The following TCEA3 variants were observed in gnomAD, a reference collection of about 807,000 sequenced individuals.
TCEA3 encodes the protein transcription elongation factor A3.
A neutral mutation model predicts 44.0 loss-of-function variants in TCEA3; 36 were observed. The observed-to-expected ratio is 0.82, with a 90% CI of 0.63 to 1.08. TCEA3 has a LOEUF of 1.08. Ranked by LOEUF, TCEA3 falls within the 50% of genes least tolerant of loss-of-function variation. The pLI, the probability that TCEA3 is intolerant of heterozygous loss-of-function variation, is 0.00. For missense variants in TCEA3, 392 were observed against 441.2 expected, an observed-to-expected ratio of 0.89 and a Z score of 1.00; for synonymous variants, 162 against 159.7, an observed-to-expected ratio of 1.01 and a Z score of -0.11.
intron 7 of TCEA3, among the ~76,000 whole-genome samples, chr1:23,394,711 G>C (rs1029545534): frequency 2.0e-5 from 3 of 152,240 alleles, no homozygotes; most frequent in Admixed American, 6.5e-5. Flanking sequence ...GCTGGTCAGA[G>C]TTACTTCTCC....
In TCEA3 at chr1:23,387,363, G is replaced by C. The variant is rs1410692681; in HGVS notation, c.876C>G (p.Ile292Met). ...ELRNAMTQEA[I>M]REHQMAKTGG... ...CAGTCTTGGCCATCTGGTGCTCACG[G>C]ATGGCCTCCTGGGTCATGGCATTCC... is the stretch of plus-strand genomic sequence containing the variant. The change falls in exon 9 of 11, where the codon ATC (isoleucine) becomes ATG (methionine). Residue 292 changes from isoleucine to methionine, a missense_variant. By Grantham distance (10) the Ile-to-Met change is conservative. Coordinates refer to ENST00000450454, the MANE Select transcript of TCEA3 (RefSeq NM_003196.3). 6.2e-7 allele frequency: 1 copy of C among 1,612,942 alleles called. No individual in the cohort carries two copies. The highest frequency in any genetic ancestry group is 8.5e-7 in the Non-Finnish European group (1 of 1,179,596).
chr1:23,420,485 C>T (rs1215216391), intron 1 of TCEA3, among the ~76,000 whole-genome samples: 2 of 152,194 alleles, frequency 1.3e-5, no homozygotes, highest in Non-Finnish European at 2.9e-5. Flanking sequence ...CTCAAGTGAT[C>T]CTCCTGCCTC....
At chr1:23,392,480 C>T (rs1454669861) in intron 8 of TCEA3, among the ~76,000 whole-genome samples, 29 of 95,052 alleles carry the variant, frequency 3.1e-4, no homozygotes, top group South Asian at 4.0e-4. Flanking sequence ...ACACACCACA[C>T]ACTCCACACA....
At chr1:23,392,475 C>CTG (rs796674857) in intron 8 of TCEA3, among the ~76,000 whole-genome samples, 1 of 11,836 alleles carries the variant, frequency 8.4e-5, no homozygotes, top group African/African-American at 3.8e-4. Flanking sequence ...ATCATACACA[C>CTG]CACACACTCC....
intron 9 of TCEA3, 24 bp downstream of exon 9, chr1:23,387,249 G>A (rs757583649): frequency 1.7e-5 from 28 of 1,611,014 alleles, no homozygotes; most frequent in Middle Eastern, 1.8e-4. Context: ...CTGCACCTCC[G>A]GCCCGTCCCC....
intron 5 of TCEA3, among the ~76,000 whole-genome samples, chr1:23,401,757 A>AGG (rs1175949310): frequency 6.6e-6 from 1 of 152,066 alleles, no homozygotes. Flanking sequence ...CCTCCAACAC[A>AGG]GGGGTTCCCA....
chr1:23,405,887 C>T (rs376256426), intron 5 of TCEA3, among the ~76,000 whole-genome samples: 10 of 152,278 alleles, frequency 6.6e-5, no homozygotes, highest in East Asian at 1.9e-4. Context: ...GATAGGATGA[C>T]GCTTCATTAT....
intron 4 of TCEA3, among the ~76,000 whole-genome samples, chr1:23,412,398 TCA>T (rs1639748640): frequency 1.1e-5 from 1 of 89,938 alleles, no homozygotes; most frequent in Non-Finnish European, 2.1e-5. Flanking sequence ...AGACTCTGTC[TCA>T]AAAAAAAAAA....
At chr1:23,396,719 G>C (rs573465609) in intron 7 of TCEA3, among the ~76,000 whole-genome samples, 7 of 151,916 alleles carry the variant, frequency 4.6e-5, no homozygotes, top group African/African-American at 7.2e-5. Flanking sequence ...CAGAGGGCAG[G>C]GCGCTGGGTG....
chr1:23,406,411 A>C (rs781086636), intron 5 of TCEA3, among the ~76,000 whole-genome samples: 2 of 152,102 alleles, frequency 1.3e-5, no homozygotes, highest in Non-Finnish European at 2.9e-5. Context: ...CCCAAAACCC[A>C]ATGTGGCCCA....
chr1:23,385,552 C>T (rs2148542936), intron 9 of TCEA3, among the ~76,000 whole-genome samples: 1 of 152,352 alleles, frequency 6.6e-6, no homozygotes, highest in Admixed American at 6.5e-5. Flanking sequence ...GCAAGGCTGA[C>T]TGCATTTCTG....
At position 23,424,696 on chromosome 1, in the gene TCEA3, G is replaced by A. The variant is rs934665672; in HGVS notation, c.-63C>T. The A allele has an allele frequency of 4.4e-4, 594 of 1,352,562 alleles. 3 individuals carry two copies. Among genetic ancestry groups the A allele is most frequent in the Non-Finnish European group, 5.7e-4 (559 of 972,500 alleles). 83.8% of individuals were successfully genotyped at this position (1,352,562 alleles called of 1,614,324 possible). ...GGCAGCAGTAGGGCCTCGGGGGCAG[G>A]AGGCGCGAAGGCGGAGGGCGCGCAA... On this transcript the variant is annotated 5_prime_UTR_variant, in exon 1 of 11. Transcript: ENST00000450454.
chr1:23,382,303 G>A (rs1056769639), intron 10 of TCEA3, among the ~76,000 whole-genome samples: 1 of 152,136 alleles, frequency 6.6e-6, no homozygotes, highest in African/African-American at 2.4e-5. Context: ...GCCTCCCAAA[G>A]TGCTGGAATT....
At chr1:23,389,088 A>T (rs1289879814) in intron 8 of TCEA3, among the ~76,000 whole-genome samples, 2 of 152,206 alleles carry the variant, frequency 1.3e-5, no homozygotes, top group African/African-American at 4.8e-5. Context: ...TGGCAGGAGA[A>T]TATAGAAAAA....
intron 2 of TCEA3, 142 bp downstream of exon 2, chr1:23,418,935 A>C: frequency 1.7e-5 from 4 of 235,086 alleles, no homozygotes; most frequent in Non-Finnish European, 2.1e-5. Context: ...CCTCCCTGGG[A>C]GGTCTCCACC....
intron 8 of TCEA3, among the ~76,000 whole-genome samples, chr1:23,392,055 C>T (rs2148550782): frequency 6.6e-6 from 1 of 152,240 alleles, no homozygotes. Context: ...CAATTTATAA[C>T]TCCAGGCATA....
intron 5 of TCEA3, chr1:23,404,196 A>T: frequency 1.4e-6 from 1 of 702,256 alleles, no homozygotes; most frequent in Admixed American, 2.0e-5. Flanking sequence ...GCCAGGTAAA[A>T]GGACAACTGA....
At chr1:23,383,495 A>G in intron 10 of TCEA3, 4 of 925,268 alleles carry the variant, frequency 4.3e-6, no homozygotes, top group Non-Finnish European at 5.2e-6. Context: ...TCCTCACATC[A>G]TCAAACCTGG....
At position 23,393,986 on chromosome 1, in the gene TCEA3, C is replaced by T. The variant is rs1198588572; in HGVS notation, c.712G>A (p.Val238Met). Reference sequence around the variant, plus strand: ...TTGAGGTTGCTTATGCGGCTGCGCACGCGGTTCCGGTACTTCATGTCCGTG... The same window carrying T: ...TTGAGGTTGCTTATGCGGCTGCGCATGCGGTTCCGGTACTTCATGTCCGTG... ...KSTDMKYRNR[V>M]RSRISNLKDP... The change falls in exon 8 of 11, where the codon GTG (valine) becomes ATG (methionine). Residue 238 changes from valine (V) to methionine (M), a missense_variant. Coordinates refer to ENST00000450454, the MANE Select transcript of TCEA3 (RefSeq NM_003196.3). 1.3e-5 allele frequency: 21 copies of T among 1,613,924 alleles called. No individual in the cohort carries two copies. The highest frequency in any genetic ancestry group is 2.2e-5 in the East Asian group (1 of 44,896).
Sources: allele counts gnomAD v4.1 joint callset (sites outside exome capture counted in the v4.1 genomes callset), GRCh38; gene constraint gnomAD v4.1.1; transcripts MANE v1.5; gene names NCBI Gene and HGNC (gene_info 2026-07-23, HGNC 2026-07-21).